Variants in DAB1 observed in about 807,000 individuals in gnomAD.
DAB1 encodes DAB adaptor protein 1.
In DAB1, 15 loss-of-function variants were observed where a neutral mutation model predicts 64.6. That is an observed-to-expected ratio of 0.23 (90% CI 0.16 to 0.36). The LOEUF is 0.36. DAB1 is among the 10% of genes least tolerant of loss of function. DAB1 has a pLI of 1.00. For synonymous variants in DAB1, 235 were observed against 251.9 expected, an observed-to-expected ratio of 0.93 and a Z score of 0.64; for missense variants, 596 against 706.7, an observed-to-expected ratio of 0.84 and a Z score of 1.78.
At chr1:58,150,698 T>C (rs1400533087) in intron 4 of DAB1, 2 of 152,148 alleles carry the variant, frequency 1.3e-5, no homozygotes, top group African/African-American at 4.8e-5. Flanking sequence ...TTTTTGGTTT[T>C]TTTTTTATAC....
At chr1:57,484,694 A>T (rs1395310604) in intron 7 of DAB1, among the ~76,000 whole-genome samples, 1 of 152,164 alleles carries the variant, frequency 6.6e-6, no homozygotes, top group Non-Finnish European at 1.5e-5. Flanking sequence ...AGTCACAGAC[A>T]TATAGATGGC....
intron 6 of DAB1, among the ~76,000 whole-genome samples, chr1:57,659,832 C>G (rs1205040060): frequency 6.6e-6 from 1 of 151,896 alleles, no homozygotes; most frequent in African/African-American, 2.4e-5. Context: ...CAAAAATTAG[C>G]CAGGCTTGGT....
chr1:57,974,488 T>TTA (rs1015812295), intron 5 of DAB1, among the ~76,000 whole-genome samples: 17 of 151,652 alleles, frequency 1.1e-4, no homozygotes, highest in African/African-American at 2.7e-4. Context: ...GTTTAGAATG[T>TTA]TATATATATA....
At chr1:57,175,636 C>T (rs1462876418) in intron 2 of DAB1, among the ~76,000 whole-genome samples, 6 of 152,134 alleles carry the variant, frequency 3.9e-5, no homozygotes, top group Middle Eastern at 3.2e-3. Context: ...GGCGTATCTG[C>T]TCTGAAATAA....
chr1:58,488,709 A>G (rs697595), intron 3 of DAB1, among the ~76,000 whole-genome samples: 23,360 of 152,026 alleles, frequency 0.15, 2,017 homozygotes, highest in Admixed American at 0.26. Context: ...CTCGGCCTCC[A>G]AAAGTGCTGG....
At chr1:57,739,228 A>G (rs1254996152) in intron 6 of DAB1, among the ~76,000 whole-genome samples, 1 of 152,104 alleles carries the variant, frequency 6.6e-6, no homozygotes, top group African/African-American at 2.4e-5. Flanking sequence ...TTTCTACTGA[A>G]TAAAGTTCAG....
intron 6 of DAB1, among the ~76,000 whole-genome samples, chr1:57,669,435 C>T (rs1302660689): frequency 6.6e-6 from 1 of 152,126 alleles, no homozygotes; most frequent in Non-Finnish European, 1.5e-5. Context: ...TTACAGGACT[C>T]TGGGCATCAT....
At chr1:58,130,771 T>C (rs1013077125) in intron 5 of DAB1, among the ~76,000 whole-genome samples, 2 of 151,872 alleles carry the variant, frequency 1.3e-5, no homozygotes, top group Non-Finnish European at 2.9e-5. Context: ...TCTTTAAGAA[T>C]GTTGAATATT....
intron 2 of DAB1, among the ~76,000 whole-genome samples, chr1:58,509,173 A>T (rs1557446334): frequency 6.6e-6 from 1 of 152,164 alleles, no homozygotes; most frequent in Non-Finnish European, 1.5e-5. Flanking sequence ...ATAAACAGAG[A>T]AATATGTACC....
At chr1:57,197,906 G>T (rs189963695) in intron 2 of DAB1, among the ~76,000 whole-genome samples, 1 of 152,058 alleles carries the variant, frequency 6.6e-6, no homozygotes, top group Non-Finnish European at 1.5e-5. Context: ...TTAAAGTATG[G>T]TTTGATGGTG....
At chr1:57,303,948 G>A (rs1179977041) in intron 1 of DAB1, among the ~76,000 whole-genome samples, 1 of 152,066 alleles carries the variant, frequency 6.6e-6, no homozygotes, top group Non-Finnish European at 1.5e-5. Context: ...TTATTGTGGG[G>A]GACTGCAACA....
At chr1:57,242,463 G>A (rs1668564548) in intron 2 of DAB1, among the ~76,000 whole-genome samples, 1 of 152,154 alleles carries the variant, frequency 6.6e-6, no homozygotes, top group African/African-American at 2.4e-5. Flanking sequence ...TCTCAAGGAG[G>A]TGATCATAAC....
At chr1:57,419,793 GC>G (rs1301030611) in intron 1 of DAB1, among the ~76,000 whole-genome samples, 1 of 152,208 alleles carries the variant, frequency 6.6e-6, no homozygotes, top group Non-Finnish European at 1.5e-5. Flanking sequence ...AGATTAGCTG[GC>G]CAAGGCCACA....
chr1:57,061,228 TGGG>T lies in DAB1; in HGVS notation c.723+1653_723+1655del, dbSNP rs5774326. Among the ~76,000 whole-genome samples the T allele has an allele frequency of 5.5e-3, 626 of 114,790 alleles. 6 individuals are homozygous for T. Among genetic ancestry groups the T allele is most frequent in the African/African-American group, 0.017 (487 of 29,248 alleles). The allele number at this position is 114,790 out of a possible 152,430, so 75.3% of individuals were successfully genotyped here. On this transcript the variant is annotated intron_variant, in intron 9 of 14. Transcript: ENST00000371236. ...ATAGGTTTCAGAAGCCATATTTAGATGGGGGGGGGGGGTGGTTTCAAGATCCTG... is the reference window on the plus strand; with the variant it reads ...ATAGGTTTCAGAAGCCATATTTAGATGGGGGGGGGTGGTTTCAAGATCCTG...
intron 3 of DAB1, among the ~76,000 whole-genome samples, chr1:58,444,076 C>T (rs1454155786): frequency 6.6e-6 from 1 of 152,168 alleles, no homozygotes; most frequent in Non-Finnish European, 1.5e-5. Context: ...CTCTCATTCT[C>T]CTGTCTTGGT....
chr1:58,444,233 G>A (rs1406441567), intron 3 of DAB1, among the ~76,000 whole-genome samples: 1 of 152,198 alleles, frequency 6.6e-6, no homozygotes, highest in Non-Finnish European at 1.5e-5. Flanking sequence ...CTATGCTAGA[G>A]AACAAGTAAA....
At chr1:57,366,446 T>A (rs1680002384) in intron 1 of DAB1, among the ~76,000 whole-genome samples, 1 of 152,212 alleles carries the variant, frequency 6.6e-6, no homozygotes, top group Non-Finnish European at 1.5e-5. Flanking sequence ...GAGCAAACCA[T>A]GCAGTGCTTC....
chr1:58,219,329 CG>C (rs1385840244), intron 4 of DAB1, among the ~76,000 whole-genome samples: 2 of 152,086 alleles, frequency 1.3e-5, no homozygotes, highest in Non-Finnish European at 2.9e-5. Flanking sequence ...CAGGCAGCTA[CG>C]GGGTAAGGGA....
At chr1:57,653,374 ATAT>A (rs1303665193) in intron 6 of DAB1, among the ~76,000 whole-genome samples, 3 of 152,128 alleles carry the variant, frequency 2.0e-5, no homozygotes, top group African/African-American at 7.2e-5. Flanking sequence ...ATTTTTTCTA[ATAT>A]TATATTTTCA....
Sources: allele counts gnomAD v4.1 joint callset (sites outside exome capture counted in the v4.1 genomes callset), GRCh38; gene constraint gnomAD v4.1.1; transcripts MANE v1.5; gene names NCBI Gene and HGNC (gene_info 2026-07-23, HGNC 2026-07-21).